The following ARHGEF2 variants were observed in gnomAD, a reference collection of about 807,000 sequenced individuals.
ARHGEF2 encodes the protein rho guanine nucleotide exchange factor 2.
In ARHGEF2, 22 loss-of-function variants were observed where a neutral mutation model predicts 121.0. The observed-to-expected ratio is 0.18, with a 90% confidence interval of 0.13 to 0.26. The LOEUF (loss-of-function observed/expected upper bound fraction) is 0.26. Among genes scored for constraint, ARHGEF2 ranks in the 10% least tolerant of loss-of-function variants. The pLI is 1.00. For missense variants in ARHGEF2, 907 were observed against 1,336.0 expected (o/e 0.68, Z 5.01); for synonymous variants, 487 against 530.0 (o/e 0.92, Z 1.11).
At chr1:155,970,139 C>T in intron 1 of ARHGEF2, 2 of 985,440 alleles carry the variant, frequency 2.0e-6, no homozygotes, top group South Asian at 9.4e-5. Flanking sequence ...AGAGTTTCCT[C>T]TATTGCTCCT....
In ARHGEF2 at chr1:155,952,193, A is replaced by G; in HGVS notation, c.2027T>C (p.Leu676Pro). ...KDLLVGPGVE[L>P]LLTPREPALP... is the part of the protein sequence containing the mutation. ...GGCTGGCTCTCGGGGTGTCAAGAGCAGTTCCACTCCTGGCCCCACCAGCAG... is the reference window on the plus strand; with the variant it reads ...GGCTGGCTCTCGGGGTGTCAAGAGCGGTTCCACTCCTGGCCCCACCAGCAG... The change falls in exon 16 of 22, where the codon CTG becomes CCG. Residue 676 changes from leucine to proline, a missense_variant. Physicochemically the swap from Leu to Pro is moderately conservative, Grantham distance 98 (BLOSUM62 -3). Around this residue, in one of 2 missense-constraint regions of ARHGEF2, gnomAD observed 432 missense variants for 559.5 expected, o/e 0.77. Coordinates refer to ENST00000361247, the MANE Select transcript of ARHGEF2 (RefSeq NM_001162383.2). 1 of 1,614,142 alleles carries G rather than the reference A, an allele frequency of 6.2e-7. No homozygotes were observed. The highest frequency in any genetic ancestry group is 8.5e-7 in the Non-Finnish European group (1 of 1,180,016).
chr1:155,975,844 G>A (rs898569480), intron 1 of ARHGEF2, among the ~76,000 whole-genome samples: 2 of 152,198 alleles, frequency 1.3e-5, no homozygotes, highest in Non-Finnish European at 2.9e-5. Context: ...TGGGGTTTGG[G>A]AAAGGAGAAA....
Position 155,951,534 on chromosome 1 carries a change from CT to C in ARHGEF2, c.2209-2del. Reference sequence around the variant, plus strand: ...GATTGACCAATCGCTGTAACGCCTCCTGAGGACAGACAGGGTGGGAACAGGG... The same window carrying C: ...GATTGACCAATCGCTGTAACGCCTCCGAGGACAGACAGGGTGGGAACAGGG... On this transcript the variant is annotated splice_acceptor_variant, in intron 18 of 21. Transcript: ENST00000361247. LOFTEE classifies it high-confidence loss of function. This position sits in a 1 kb window ranked among gnomAD's most constrained non-coding sequence, Gnocchi z 5.1. The C allele has an allele frequency of 6.2e-7, 1 of 1,614,172 alleles. No individual in the cohort carries two copies. Among genetic ancestry groups the C allele is most frequent in the Non-Finnish European group, 8.5e-7 (1 of 1,180,034 alleles).
In ARHGEF2 at chr1:155,961,274, CTTT is replaced by C. The variant is rs926226291; in HGVS notation, c.1468+384_1468+386del. ...TGGGCTGCATAAAGGGAGGTTGATT[CTTT>C]TTTTTTTTTTTTTTTGAGATGGAGT... On this transcript the variant is annotated intron_variant, in intron 11 of 21. Coordinates refer to ENST00000361247, the MANE Select transcript of ARHGEF2 (RefSeq NM_001162383.2). This position sits in a 1 kb window ranked among gnomAD's most constrained non-coding sequence, Gnocchi z 4.7. Among the ~76,000 whole-genome samples, 6 of 131,344 alleles carry C rather than the reference CTTT, an allele frequency of 4.6e-5. No homozygotes were observed. The highest frequency in any genetic ancestry group is 7.6e-5 in the Admixed American group (1 of 13,100). The allele number at this position is 131,344 out of a possible 152,430, so 86.2% of individuals were successfully genotyped here.
At position 155,971,348 on chromosome 1, in the gene ARHGEF2, C is replaced by T. The variant is rs60448283; in HGVS notation, c.64-2048G>A. Among the ~76,000 whole-genome samples, 903 of 151,338 alleles carry T rather than the reference C, an allele frequency of 6.0e-3. 13 individuals carry two copies. Among genetic ancestry groups the T allele is most frequent in the African/African-American group, 0.021 (865 of 41,292 alleles). On this transcript the variant is annotated intron_variant, in intron 1 of 21. Transcript: ENST00000361247. Reference sequence around the variant, plus strand: ...ATCCCAGCACTTTGGGAGGTCGAGGCGGGTGGATTACCTGAGGTCAGGAGT... The same window carrying T: ...ATCCCAGCACTTTGGGAGGTCGAGGTGGGTGGATTACCTGAGGTCAGGAGT...
In ARHGEF2 at chr1:155,962,390, G is replaced by T; in HGVS notation, c.1102-168C>A. On this transcript the variant is annotated intron_variant, in intron 9 of 21. Coordinates refer to ENST00000361247, the MANE Select transcript of ARHGEF2 (RefSeq NM_001162383.2). This position sits in a 1 kb window ranked among gnomAD's most constrained non-coding sequence, Gnocchi z 5.8. ...CACAGGTTTGTTGTGAGGACCAACT[G>T]AAGGAGCAAAAAGTACTTGGGAAAC... 9.9e-7 allele frequency: 1 copy of T among 1,011,702 alleles called. No individual in the cohort carries two copies. Among genetic ancestry groups the T allele is most frequent in the Non-Finnish European group, 1.4e-6 (1 of 690,218 alleles). 62.7% of individuals were successfully genotyped at this position (1,011,702 alleles called of 1,614,324 possible).
At chr1:155,976,737 A>G (rs1455222155) in intron 1 of ARHGEF2, among the ~76,000 whole-genome samples, 1 of 148,836 alleles carries the variant, frequency 6.7e-6, no homozygotes, top group East Asian at 2.0e-4. Context: ...GCTCTACTCC[A>G]GGGTCTCAGC....
rs770200596 is a variant in ARHGEF2 at position 155,952,143 on chromosome 1, C to T, written c.2077G>A (p.Gly693Ser). The T allele has an allele frequency of 2.0e-5, 33 of 1,614,138 alleles. No individual in the cohort carries two copies. Among genetic ancestry groups the T allele is most frequent in the Non-Finnish European group, 2.8e-5 (33 of 1,180,020 alleles). ...PALPLEPDSG[G>S]NTSPGVTANG... ...GCAGTGACCCCAGGACTCGTGTTAC[C>T]ACCGCTGTCTGGTTCCAAGGGCAGG... Residue 693 changes from glycine to serine, a missense_variant, in exon 16 of 22, where the codon GGT (glycine) becomes AGT (serine). Physicochemically the swap from Gly to Ser is moderately conservative, Grantham distance 56. This residue lies in a region of ARHGEF2 where 432 missense variants were observed against 559.5 expected (regional missense o/e 0.77). Coordinates refer to ENST00000361247, the MANE Select transcript of ARHGEF2 (RefSeq NM_001162383.2).
chr1:155,954,135 T>TTG (rs899960596), intron 14 of ARHGEF2, among the ~76,000 whole-genome samples: 55 of 151,468 alleles, frequency 3.6e-4, no homozygotes, highest in African/African-American at 1.3e-3. Context: ...CTATTTTTTT[T>TTG]TTTTTAATTT....
At chr1:155,970,421 AC>A in intron 1 of ARHGEF2, 3 of 985,430 alleles carry the variant, frequency 3.0e-6, no homozygotes, top group East Asian at 1.1e-4. Flanking sequence ...CTATTCTAGG[AC>A]CTTCCTTAGT....
At chr1:155,974,852 A>AC in intron 1 of ARHGEF2, among the ~76,000 whole-genome samples, 1 of 151,300 alleles carries the variant, frequency 6.6e-6, no homozygotes, top group Non-Finnish European at 1.5e-5. Context: ...GCAGAAAGAG[A>AC]GGGGGGGTAA....
At position 155,964,970 on chromosome 1, in the gene ARHGEF2, AG is replaced by A; in HGVS notation, c.724+17del. 1 of 1,610,870 alleles carries A rather than the reference AG, an allele frequency of 6.2e-7. No homozygotes were observed. The highest frequency in any genetic ancestry group is 8.5e-7 in the Non-Finnish European group (1 of 1,177,974). On this transcript the variant is annotated intron_variant, in intron 7 of 21. Transcript: ENST00000361247. ...GACCTGGTGAAGGAAGAGGAAGACTAGGGTGGTCTTGGCTTACCATAGATGA... is the reference window on the plus strand; with the variant it reads ...GACCTGGTGAAGGAAGAGGAAGACTAGGTGGTCTTGGCTTACCATAGATGA...
At position 155,955,208 on chromosome 1, in the gene ARHGEF2, A is replaced by G. The variant is rs1676415754; in HGVS notation, c.1716-239T>C. On this transcript the variant is annotated intron_variant, in intron 13 of 21. Coordinates refer to ENST00000361247, the MANE Select transcript of ARHGEF2 (RefSeq NM_001162383.2). ...AAGGGCGCTATCTCAGCTCACTACA[A>G]CCTCCTCCTGGGTTCAAGTGATTCA... Among the ~76,000 whole-genome samples, 7 of 151,286 alleles carry G rather than the reference A, an allele frequency of 4.6e-5. No individual in the cohort carries two copies. The South Asian group carries it at 1.3e-3, about 27-fold the overall frequency.
In ARHGEF2 at chr1:155,947,863, T is replaced by C. The variant is rs1450721236; in HGVS notation, c.*79A>G. The C allele has an allele frequency of 6.3e-6, 5 of 798,432 alleles. No individual in the cohort carries two copies. The highest frequency in any genetic ancestry group is 1.7e-5 in the South Asian group (1 of 57,958). 49.5% of individuals were successfully genotyped at this position (798,432 alleles called of 1,614,324 possible). A position where few individuals can be genotyped will look rare whatever the true frequency, so the allele number is the denominator to read the frequency against. The stretch of plus-strand genomic sequence containing the variant: ...AGTTCTTTCAAATGTTCCCTCATCA[T>C]TGGCAAATTGGAGTCCCCAAGGTTA... On this transcript the variant is annotated 3_prime_UTR_variant, in exon 22 of 22. Transcript: ENST00000361247.
In ARHGEF2 at chr1:155,978,144, C is replaced by T. The variant is rs1681654624; in HGVS notation, c.63+221G>A. ...GGCGACCAAGCCCAGGTCCGCTCCG[C>T]TCCCTCCCGGGATCCCAGCACCGTC... is the stretch of plus-strand genomic sequence containing the variant. On this transcript the variant is annotated intron_variant, in intron 1 of 21. Coordinates refer to ENST00000361247, the MANE Select transcript of ARHGEF2 (RefSeq NM_001162383.2). The surrounding 1 kb of genome is among the most constrained non-coding windows in gnomAD (Gnocchi z 4.1). 7.8e-7 allele frequency: 1 copy of T among 1,277,610 alleles called. No homozygotes were observed. Among genetic ancestry groups the T allele is most frequent in the Non-Finnish European group, 9.9e-7 (1 of 1,006,808 alleles). 79.1% of individuals were successfully genotyped at this position (1,277,610 alleles called of 1,614,324 possible).
At chr1:155,973,006 T>C (rs528091806) in intron 1 of ARHGEF2, among the ~76,000 whole-genome samples, 3 of 152,230 alleles carry the variant, frequency 2.0e-5, no homozygotes, top group Admixed American at 6.5e-5. Context: ...CGCTCAGACC[T>C]AGAGTCATTC....
At position 155,962,306 on chromosome 1, in the gene ARHGEF2, G is replaced by A. The variant is rs971596253; in HGVS notation, c.1102-84C>T. On this transcript the variant is annotated intron_variant, in intron 9 of 21. Coordinates refer to ENST00000361247, the MANE Select transcript of ARHGEF2 (RefSeq NM_001162383.2). This position sits in a 1 kb window ranked among gnomAD's most constrained non-coding sequence, Gnocchi z 5.8. ...CCTGAGCTCTGGTGCTGGCCCTGGC[G>A]TGGCCATTTACCTCATGCTTGCCTA... The A allele has an allele frequency of 3.5e-5, 49 of 1,405,298 alleles. 1 individual carries two copies. Among genetic ancestry groups the A allele is most frequent in the South Asian group, 1.2e-4 (10 of 82,870 alleles). The allele number at this position is 1,405,298 out of a possible 1,614,324, so 87.1% of individuals were successfully genotyped here.
chr1:155,964,167 A>AAATATATATATATATGTATAT (rs1553244640), intron 7 of ARHGEF2, among the ~76,000 whole-genome samples: 1 of 91,240 alleles, frequency 1.1e-5, no homozygotes, highest in African/African-American at 6.1e-5. Context: ...AAAAAAAAAA[A>AAATATATATATATATGTATAT]ATATATATAT....
Position 155,950,988 on chromosome 1 carries a change from C to G in ARHGEF2, c.2544G>C (p.Leu848=), listed in dbSNP as rs1477687349. ...RLRESEQARA[L]LEREAEEARR... is the part of the protein sequence containing the mutation. Reference sequence around the variant, plus strand: ...GAGCCTCTTCGGCCTCACGCTCCAGCAGTGCCCGGGCCTGCTCACTCTCCC... The same window carrying G: ...GAGCCTCTTCGGCCTCACGCTCCAGGAGTGCCCGGGCCTGCTCACTCTCCC... The change falls in exon 20 of 22, where the codon CTG becomes CTC. Residue 848 remains leucine, a synonymous_variant. Transcript: ENST00000361247. This position sits in a 1 kb window ranked among gnomAD's most constrained non-coding sequence, Gnocchi z 5.2. The G allele has an allele frequency of 1.7e-5, 28 of 1,609,002 alleles. No homozygotes were observed. The highest frequency in any genetic ancestry group is 2.4e-5 in the Non-Finnish European group (28 of 1,178,770).
Sources: gnomAD v4.1 joint callset for allele counts (sites outside exome capture counted in the v4.1 genomes callset) on GRCh38, gnomAD v4.1.1 for gene constraint, gnomAD v4.1.1 regional missense constraint, Gnocchi (gnomAD v3.1) non-coding constraint, MANE v1.5 for transcripts, NCBI Gene and HGNC (gene_info 2026-07-23, HGNC 2026-07-21) for gene names.